Variants in PREX2 observed in about 807,000 individuals in gnomAD.
The protein encoded by PREX2 is phosphatidylinositol-3,4,5-trisphosphate dependent Rac exchange factor 2, also known as phosphatidylinositol 3,4,5-trisphosphate-dependent Rac exchanger 2 protein.
Under a neutral mutation model 203.2 loss-of-function variants are expected in PREX2, and 107 were observed. That is an observed-to-expected ratio of 0.53 (90% confidence interval 0.45 to 0.62). PREX2 has a LOEUF of 0.62. PREX2 is among the 20% of genes least tolerant of loss of function. The pLI is 0.00. For synonymous variants in PREX2, 672 were observed against 663.6 expected, an observed-to-expected ratio of 1.01 and a Z score of -0.19; for missense variants, 1,777 against 1,955.9, an observed-to-expected ratio of 0.91 and a Z score of 1.72.
At chr8:67,959,390 G>T (rs1396547759) in intron 1 of PREX2, among the ~76,000 whole-genome samples, 2 of 152,176 alleles carry the variant, frequency 1.3e-5, no homozygotes, top group Non-Finnish European at 2.9e-5. Flanking sequence ...AGGATGTGAA[G>T]GATGATGGAT....
chr8:68,151,492 G>C (rs1364512976), intron 34 of PREX2, among the ~76,000 whole-genome samples: 1 of 152,036 alleles, frequency 6.6e-6, no homozygotes, highest in East Asian at 1.9e-4. Flanking sequence ...CTTTTTGTGG[G>C]CACATACAAA....
rs774639303 is a variant in PREX2, at chr8:67,952,473, G to C, written c.79G>C (p.Val27Leu). ...LEKQLRLRVC[V>L]LSELQKTERD... is the part of the protein sequence containing the mutation. ...GAAGCAGCTTCGCCTGCGCGTGTGCGTGCTCAGCGAGCTCCAGAAGACCGA... is the reference window on the plus strand; with the variant it reads ...GAAGCAGCTTCGCCTGCGCGTGTGCCTGCTCAGCGAGCTCCAGAAGACCGA... The change falls in exon 1 of 40, where the codon GTG becomes CTG. Residue 27 changes from valine to leucine, a missense_variant. By Grantham distance (32) the Val-to-Leu change is conservative. Coordinates refer to ENST00000288368, the MANE Select transcript of PREX2 (RefSeq NM_024870.4). The C allele has an allele frequency of 9.3e-6, 15 of 1,604,910 alleles. No homozygotes were observed. Among genetic ancestry groups the C allele is most frequent in the Non-Finnish European group, 1.7e-6 (2 of 1,176,086 alleles).
chr8:68,168,134 C>T (rs1244715307), intron 35 of PREX2, among the ~76,000 whole-genome samples: 3 of 152,202 alleles, frequency 2.0e-5, no homozygotes, highest in South Asian at 2.1e-4. Flanking sequence ...ACGGATTTCT[C>T]ATCTTTTTAT....
At chr8:68,206,361 T>C (rs1041009878) in intron 37 of PREX2, among the ~76,000 whole-genome samples, 2 of 152,232 alleles carry the variant, frequency 1.3e-5, no homozygotes, top group Non-Finnish European at 2.9e-5. Flanking sequence ...AGCGAATCCA[T>C]CTTCTCGTTG....
chr8:68,048,370 A>T (rs2033580), intron 8 of PREX2, among the ~76,000 whole-genome samples: 89,609 of 151,868 alleles, frequency 0.59, 28,422 homozygotes, highest in African/African-American at 0.83. Flanking sequence ...TTTCTATGGT[A>T]GGACAGAGGG....
chr8:68,191,190 T>C (rs1812285861), intron 35 of PREX2, among the ~76,000 whole-genome samples: 1 of 152,198 alleles, frequency 6.6e-6, no homozygotes, highest in African/African-American at 2.4e-5. Flanking sequence ...TCACTTCTAA[T>C]CGGAGCATAA....
intron 1 of PREX2, among the ~76,000 whole-genome samples, chr8:68,005,466 C>T (rs1807067019): frequency 6.6e-6 from 1 of 152,182 alleles, no homozygotes; most frequent in Non-Finnish European, 1.5e-5. Flanking sequence ...ATGAACTCTC[C>T]ACTGCCATCA....
chr8:68,105,348 AG>A (rs748951965), intron 23 of PREX2: 1 of 1,366,866 alleles, frequency 7.3e-7, no homozygotes, highest in Non-Finnish European at 9.8e-7. Context: ...CTTAGCAGAG[AG>A]GGCCCCTGTC....
chr8:68,019,525 A>C (rs1368863133), intron 2 of PREX2, 24 bp from the exon 3 acceptor site: 2 of 1,591,616 alleles, frequency 1.3e-6, no homozygotes, highest in South Asian at 2.3e-5. Flanking sequence ...TACTGAGCTT[A>C]CTTACACATT....
Position 68,021,120 on chromosome 8 carries a change from G to C in PREX2, c.337-916G>C, listed in dbSNP as rs375606306. ...AGAAGGGAGCTTAGAGATCATGATGGTACAAATCCTCTTGTTTTAAAAGAA... is the reference window on the plus strand; with the variant it reads ...AGAAGGGAGCTTAGAGATCATGATGCTACAAATCCTCTTGTTTTAAAAGAA... On this transcript the variant is annotated intron_variant, in intron 3 of 39. Transcript: ENST00000288368. 4.9e-4 allele frequency among the ~76,000 whole-genome samples: 75 copies of C among 152,210 alleles called. 1 individual carries two copies. The highest frequency in any genetic ancestry group is 1.5e-3 in the African/African-American group (64 of 41,526).
chr8:68,193,623 G>A (rs901427519), intron 37 of PREX2, among the ~76,000 whole-genome samples: 6 of 152,128 alleles, frequency 3.9e-5, no homozygotes, highest in Non-Finnish European at 8.8e-5. Context: ...AATGATAAAA[G>A]TACACACACA....
intron 25 of PREX2, among the ~76,000 whole-genome samples, chr8:68,110,535 C>T (rs892103213): frequency 6.6e-6 from 1 of 152,092 alleles, no homozygotes; most frequent in Non-Finnish European, 1.5e-5. Context: ...AATAGAAATA[C>T]TGTTATCTTC....
At chr8:67,980,557 C>T (rs1806237865) in intron 1 of PREX2, among the ~76,000 whole-genome samples, 1 of 152,316 alleles carries the variant, frequency 6.6e-6, no homozygotes, top group Non-Finnish European at 1.5e-5. Context: ...GAGGGAACCT[C>T]CATTAGAGTA....
intron 6 of PREX2, 146 bp from the exon 7 acceptor site, chr8:68,038,013 G>A (rs1335824188): frequency 6.3e-6 from 5 of 792,176 alleles, no homozygotes; most frequent in Non-Finnish European, 1.0e-5. Context: ...TCCAATCAGT[G>A]TATAACTATC....
chr8:68,111,813 G>T (rs931138633), intron 25 of PREX2, among the ~76,000 whole-genome samples: 4 of 152,092 alleles, frequency 2.6e-5, no homozygotes, highest in African/African-American at 7.2e-5. Context: ...ATGCAGTCGA[G>T]GTTAACACAT....
At chr8:68,174,235 G>A (rs760840998) in intron 35 of PREX2, among the ~76,000 whole-genome samples, 1 of 152,116 alleles carries the variant, frequency 6.6e-6, no homozygotes, top group Non-Finnish European at 1.5e-5. Context: ...TTAGCTTGCA[G>A]CCAGAACTTT....
rs190537703 is a variant in PREX2, at chr8:67,979,521, C to T, written c.141+26986C>T. On this transcript the variant is annotated intron_variant, in intron 1 of 39. Coordinates refer to ENST00000288368, the MANE Select transcript of PREX2 (RefSeq NM_024870.4). ...CATATGGAAAAGTTTGACTCCAAAA[C>T]GCCAGACTCTTTTTTTCTCTTTTCT... Among the ~76,000 whole-genome samples, 85 of 152,260 alleles carry T rather than the reference C, an allele frequency of 5.6e-4. 1 individual carries two copies. The highest frequency in any genetic ancestry group is 6.8e-3 in the Middle Eastern group (2 of 292).
At chr8:68,120,345 A>G (rs1250818065) in intron 29 of PREX2, 59 bp downstream of exon 29, 2 of 1,163,274 alleles carry the variant, frequency 1.7e-6, no homozygotes, top group Non-Finnish European at 2.6e-6. Flanking sequence ...GGTAGACAAT[A>G]TAGTCATGAA....
chr8:68,111,344 G>C (rs1473878406), intron 25 of PREX2, among the ~76,000 whole-genome samples: 1 of 151,968 alleles, frequency 6.6e-6, no homozygotes, highest in Non-Finnish European at 1.5e-5. Flanking sequence ...CTGCATTGAC[G>C]ATCTAGCACT....
Sources: gnomAD v4.1 joint callset for allele counts (sites outside exome capture counted in the v4.1 genomes callset) on GRCh38, gnomAD v4.1.1 for gene constraint, MANE v1.5 for transcripts, NCBI Gene and HGNC (gene_info 2026-07-23, HGNC 2026-07-21) for gene names.